Variants in INTS9 observed in about 807,000 individuals in gnomAD.
The protein encoded by INTS9 is integrator complex subunit 9, also known as protein related to CPSF subunits of 74 kDa.
Under a neutral mutation model 79.7 loss-of-function variants are expected in INTS9, and 55 were observed. That is an observed-to-expected ratio of 0.69 (90% CI 0.56 to 0.86). The LOEUF (loss-of-function observed/expected upper bound fraction) is 0.86, where lower values mean the gene tolerates loss of function less well. Among genes scored for constraint, INTS9 ranks in the 40% least tolerant of loss-of-function variants. The probability of loss-of-function intolerance (pLI) is 0.00; values close to 1 mark genes in which losing one functional copy is unlikely to be tolerated. For missense variants in INTS9, 721 were observed against 831.5 expected (o/e 0.87, Z 1.64); for synonymous variants, 319 against 325.2 (o/e 0.98, Z 0.20).
chr8:28,847,458 C>T (rs1381938202), intron 3 of INTS9, among the ~76,000 whole-genome samples: 2 of 150,696 alleles, frequency 1.3e-5, no homozygotes, highest in Non-Finnish European at 2.9e-5. Flanking sequence ...ACTACCTCCA[C>T]CACCACCACC....
chr8:28,816,967 T>C (rs1175148020), intron 6 of INTS9, among the ~76,000 whole-genome samples: 1 of 149,914 alleles, frequency 6.7e-6, no homozygotes, highest in Non-Finnish European at 1.5e-5. Context: ...GAGAAGTGTC[T>C]GTTCATGTCC....
intron 16 of INTS9, 38 bp downstream of exon 16, chr8:28,769,851 C>T (rs781558764): frequency 9.3e-6 from 15 of 1,609,478 alleles, no homozygotes; most frequent in South Asian, 5.5e-5. Context: ...AAGGCTGCCA[C>T]GTGTGGAGTT....
chr8:28,806,981 TA>T (rs1366976003), intron 8 of INTS9, among the ~76,000 whole-genome samples: 7 of 148,730 alleles, frequency 4.7e-5, no homozygotes, highest in Non-Finnish European at 1.0e-4. Flanking sequence ...AGGAAGGAGA[TA>T]AAGGGCAGAA....
At chr8:28,779,398 C>G (rs538685913) in intron 12 of INTS9, among the ~76,000 whole-genome samples, 133 of 152,314 alleles carry the variant, frequency 8.7e-4, no homozygotes, top group Non-Finnish European at 1.6e-3. Flanking sequence ...GCCATGTGTC[C>G]TCCTGCTGTG....
chr8:28,801,025 G>C (rs1804486338), intron 8 of INTS9, among the ~76,000 whole-genome samples: 1 of 152,140 alleles, frequency 6.6e-6, no homozygotes, highest in African/African-American at 2.4e-5. Flanking sequence ...TAGTAGCTCA[G>C]CCTACCTGCC....
chr8:28,875,619 C>T (rs1030784968), intron 1 of INTS9, among the ~76,000 whole-genome samples: 2 of 152,122 alleles, frequency 1.3e-5, no homozygotes, highest in Non-Finnish European at 2.9e-5. Flanking sequence ...GCCCAGAATC[C>T]ATTAGCTATT....
intron 8 of INTS9, among the ~76,000 whole-genome samples, chr8:28,799,764 A>C (rs1277284068): frequency 6.6e-6 from 1 of 152,332 alleles, no homozygotes; most frequent in South Asian, 2.1e-4. Context: ...TGAAAGTCAC[A>C]AACAAGTGAT....
chr8:28,873,232 C>T (rs1809190014), intron 1 of INTS9, among the ~76,000 whole-genome samples: 3 of 152,164 alleles, frequency 2.0e-5, no homozygotes, highest in Admixed American at 6.5e-5. Context: ...CTGCCAGGCA[C>T]ACAAATAGGT....
chr8:28,881,869 G>C (rs1480363745), intron 1 of INTS9, among the ~76,000 whole-genome samples: 7 of 144,982 alleles, frequency 4.8e-5, no homozygotes, highest in African/African-American at 1.5e-4. Context: ...CGCCCCATCC[G>C]GGAGGTGAGG....
At chr8:28,883,954 T>C (rs967942569) in intron 1 of INTS9, among the ~76,000 whole-genome samples, 4 of 152,080 alleles carry the variant, frequency 2.6e-5, no homozygotes, top group African/African-American at 7.2e-5. Flanking sequence ...TAACTAAATA[T>C]TGCTGAACAT....
chr8:28,823,725 A>C (rs1805986734), intron 6 of INTS9, among the ~76,000 whole-genome samples: 1 of 151,676 alleles, frequency 6.6e-6, no homozygotes, highest in Non-Finnish European at 1.5e-5. Context: ...TAGGTACATA[A>C]AACAACTAGA....
chr8:28,844,934 GT>G (rs1177250388), intron 4 of INTS9, among the ~76,000 whole-genome samples: 1 of 152,092 alleles, frequency 6.6e-6, no homozygotes, highest in African/African-American at 2.4e-5. Flanking sequence ...GTTTTCTTAA[GT>G]TTTTTGCTAT....
intron 1 of INTS9, among the ~76,000 whole-genome samples, chr8:28,872,193 G>T (rs1809133569): frequency 6.6e-6 from 1 of 152,104 alleles, no homozygotes; most frequent in Non-Finnish European, 1.5e-5. Context: ...TATAGTCTTT[G>T]AACAAGAAAT....
intron 1 of INTS9, among the ~76,000 whole-genome samples, chr8:28,879,973 C>G (rs1056789477): frequency 9.2e-5 from 14 of 152,020 alleles, no homozygotes; most frequent in African/African-American, 3.4e-4. Flanking sequence ...AGGCACAACT[C>G]TGAAATCTAC....
At chr8:28,851,137 A>G (rs1053398412) in intron 2 of INTS9, among the ~76,000 whole-genome samples, 8 of 150,930 alleles carry the variant, frequency 5.3e-5, no homozygotes, top group Non-Finnish European at 7.3e-5. Context: ...AAAGGATTTC[A>G]GCACTCACTA....
intron 1 of INTS9, among the ~76,000 whole-genome samples, chr8:28,860,421 G>A (rs929413840): frequency 6.6e-6 from 1 of 151,540 alleles, no homozygotes; most frequent in Non-Finnish European, 1.5e-5. Context: ...GAGCAACAGA[G>A]CCCAGAAAAC....
rs754607845 is a variant in INTS9, at chr8:28,889,871, C to T, written c.9+3G>A. 3.0e-5 allele frequency: 48 copies of T among 1,613,816 alleles called. No homozygotes were observed. Among genetic ancestry groups the T allele is most frequent in the South Asian group, 1.4e-4 (13 of 91,030 alleles). On this transcript the variant is annotated splice_donor_region_variant and intron_variant, in intron 1 of 16. Coordinates refer to ENST00000521022, the MANE Select transcript of INTS9 (RefSeq NM_018250.4). ...GCCCTCTGACCTAGGAGCGAAGACT[C>T]ACCAGTTTCATAATGGACTTTTGGT...
chr8:28,796,822 T>C, intron 8 of INTS9, 167 bp from the exon 9 acceptor site: 1 of 575,680 alleles, frequency 1.7e-6, no homozygotes, highest in East Asian at 2.9e-5. Context: ...GCTGCCTAAG[T>C]TGGGTGGGGA....
intron 7 of INTS9, among the ~76,000 whole-genome samples, chr8:28,813,208 G>A (rs909986404): frequency 1.3e-5 from 2 of 152,124 alleles, no homozygotes; most frequent in African/African-American, 4.8e-5. Flanking sequence ...CTCTCTTCCC[G>A]TTTCACCCAT....
Sources: gnomAD v4.1 joint callset for allele counts (sites outside exome capture counted in the v4.1 genomes callset) on GRCh38, gnomAD v4.1.1 for gene constraint, MANE v1.5 for transcripts, NCBI Gene and HGNC (gene_info 2026-07-23, HGNC 2026-07-21) for gene names.